Variants in PTP4A3 observed in about 807,000 individuals in gnomAD.
PTP4A3 encodes protein tyrosine phosphatase 4A3.
Under a neutral mutation model 15.2 loss-of-function variants are expected in PTP4A3, and 9 were observed. The ratio of observed to expected loss-of-function variants is 0.59; its 90% confidence interval spans 0.36 to 1.03. The LOEUF is 1.03. PTP4A3 is among the 50% of genes least tolerant of loss of function. The pLI, the probability that PTP4A3 is intolerant of heterozygous loss-of-function variation, is 0.02. For synonymous variants in PTP4A3, 95 were observed against 102.0 expected (o/e 0.93, Z 0.41); for missense variants, 234 against 252.1 (o/e 0.93, Z 0.49).
intron 1 of PTP4A3, among the ~76,000 whole-genome samples, chr8:141,395,014 G>C (rs1832406833): frequency 6.6e-6 from 1 of 152,246 alleles, no homozygotes; most frequent in African/African-American, 2.4e-5. Flanking sequence ...GTGGGACGGG[G>C]ACAGGGACGG....
chr8:141,417,519 G>A (rs1833103212), intron 1 of PTP4A3, among the ~76,000 whole-genome samples: 1 of 152,098 alleles, frequency 6.6e-6, no homozygotes, highest in Non-Finnish European at 1.5e-5. Context: ...GGCGCGCTCT[G>A]TCCAGGCCTC....
intron 1 of PTP4A3, among the ~76,000 whole-genome samples, chr8:141,398,341 T>C (rs1049583188): frequency 6.6e-6 from 1 of 152,210 alleles, no homozygotes; most frequent in South Asian, 2.1e-4. Context: ...AGGCACAGCC[T>C]CCAACTCCCA....
chr8:141,419,870 C>T (rs779637328), intron 1 of PTP4A3, among the ~76,000 whole-genome samples: 171 of 152,306 alleles, frequency 1.1e-3, no homozygotes, highest in Non-Finnish European at 2.1e-3. Flanking sequence ...TGAGCCACTG[C>T]GCCTGACACC....
intron 1 of PTP4A3, among the ~76,000 whole-genome samples, chr8:141,417,151 G>T (rs1472066469): frequency 6.6e-6 from 1 of 152,154 alleles, no homozygotes. Context: ...GAGGGTCTGG[G>T]AGGGCTTCCT....
chr8:141,421,262 G>A (rs558435897), intron 1 of PTP4A3, 126 bp from the exon 2 acceptor site: 2 of 152,466 alleles, frequency 1.3e-5, no homozygotes, highest in Admixed American at 1.3e-4. Context: ...TCTCAGCATG[G>A]TCAGGAGGAG....
chr8:141,405,301 A>C (rs1267529628), intron 1 of PTP4A3, among the ~76,000 whole-genome samples: 1 of 152,150 alleles, frequency 6.6e-6, no homozygotes, highest in Admixed American at 6.5e-5. Flanking sequence ...GGTGCTTGGC[A>C]TGTCCAGTCT....
intron 5 of PTP4A3, among the ~76,000 whole-genome samples, chr8:141,429,707 G>A (rs113045935): frequency 2.8e-5 from 1 of 35,276 alleles, no homozygotes; most frequent in Non-Finnish European, 5.6e-5. Context: ...CAGGGTGAGC[G>A]CACAGTCCGG....
At chr8:141,405,181 C>A (rs1437558989) in intron 1 of PTP4A3, among the ~76,000 whole-genome samples, 1 of 152,182 alleles carries the variant, frequency 6.6e-6, no homozygotes, top group Non-Finnish European at 1.5e-5. Context: ...AGGGCTTTGG[C>A]CCCCTGGTGA....
chr8:141,409,669 T>C (rs1832816806), intron 1 of PTP4A3, among the ~76,000 whole-genome samples: 1 of 152,214 alleles, frequency 6.6e-6, no homozygotes, highest in Admixed American at 6.5e-5. Context: ...AGCCTTCAGA[T>C]GCCTGGGAGA....
intron 1 of PTP4A3, among the ~76,000 whole-genome samples, chr8:141,415,961 G>A (rs1428186489): frequency 6.6e-6 from 1 of 151,950 alleles, no homozygotes; most frequent in Non-Finnish European, 1.5e-5. Context: ...CCCGCTCTGG[G>A]AGGATTCCAG....
chr8:141,418,200 C>T (rs1381366534), intron 1 of PTP4A3, among the ~76,000 whole-genome samples: 2 of 152,204 alleles, frequency 1.3e-5, no homozygotes, highest in African/African-American at 2.4e-5. Context: ...GAGCGCCCGC[C>T]TCAGCCCTGA....
intron 1 of PTP4A3, among the ~76,000 whole-genome samples, chr8:141,401,588 A>C: frequency 1.3e-5 from 2 of 149,552 alleles, no homozygotes; most frequent in African/African-American, 2.5e-5. Flanking sequence ...GGCTGTTCCC[A>C]CGGCTGCCCA....
chr8:141,425,147 C>G lies in PTP4A3; in HGVS notation c.198+7C>G. The G allele has an allele frequency of 6.7e-7, 1 of 1,492,288 alleles. No individual in the cohort carries two copies. Among genetic ancestry groups the G allele is most frequent in the Non-Finnish European group, 9.1e-7 (1 of 1,099,594 alleles). 92.4% of individuals were successfully genotyped at this position (1,492,288 alleles called of 1,614,324 possible). A position where few individuals can be genotyped will look rare whatever the true frequency, so the allele number is the denominator to read the frequency against. On this transcript the variant is annotated splice_region_variant and intron_variant, in intron 3 of 5. Coordinates refer to ENST00000521578, the MANE Select transcript of PTP4A3 (RefSeq NM_032611.3). This position sits in a 1 kb window ranked among gnomAD's most constrained non-coding sequence, Gnocchi z 4.2. The stretch of plus-strand genomic sequence containing the variant: ...GGATGGCATCACCGTTGTGGTGAGG[C>G]GCGCGCCACGGGGACCCTAGTCACT...
intron 1 of PTP4A3, among the ~76,000 whole-genome samples, chr8:141,420,636 C>T (rs568274450): frequency 6.6e-5 from 10 of 152,350 alleles, no homozygotes; most frequent in South Asian, 6.2e-4. Context: ...GGCCCATTGG[C>T]GTGTTCTGTC....
chr8:141,411,759 A>G (rs1052813221), intron 1 of PTP4A3, among the ~76,000 whole-genome samples: 2 of 151,988 alleles, frequency 1.3e-5, no homozygotes, highest in East Asian at 1.9e-4. Context: ...CCCCGACCCC[A>G]CGGGCCCTGG....
At chr8:141,419,937 G>A (rs746510408) in intron 1 of PTP4A3, among the ~76,000 whole-genome samples, 2 of 152,172 alleles carry the variant, frequency 1.3e-5, no homozygotes, top group African/African-American at 4.8e-5. Flanking sequence ...GAGGTGTGGC[G>A]GCTGCTCTGA....
intron 1 of PTP4A3, among the ~76,000 whole-genome samples, chr8:141,415,286 G>A (rs1354084007): frequency 2.6e-5 from 4 of 151,974 alleles, no homozygotes; most frequent in Admixed American, 6.5e-5. Flanking sequence ...GAGACAGGCC[G>A]GAGCCCTGGA....
In PTP4A3 at chr8:141,406,795, C is replaced by T. The variant is rs1832737894; in HGVS notation, c.-853-14593C>T. Among the ~76,000 whole-genome samples the T allele has an allele frequency of 6.6e-6, 1 of 152,172 alleles. No individual in the cohort carries two copies. Among genetic ancestry groups the T allele is most frequent in the Non-Finnish European group, 1.5e-5 (1 of 68,022 alleles). ...CTCTCAAGGGCTGTAGGCACTTCGC[C>T]CTGAATCCTCCTCTGAGCCGGCTTT... On this transcript the variant is annotated intron_variant, in intron 1 of 5. Coordinates refer to ENST00000521578, the MANE Select transcript of PTP4A3 (RefSeq NM_032611.3). The surrounding 1 kb of genome is among the most constrained non-coding windows in gnomAD (Gnocchi z 4.5).
chr8:141,409,951 C>A (rs1012750496), intron 1 of PTP4A3, among the ~76,000 whole-genome samples: 14 of 152,348 alleles, frequency 9.2e-5, no homozygotes, highest in African/African-American at 3.4e-4. Flanking sequence ...GTTGTCATGG[C>A]AGCCAATGCC....
Sources: gnomAD v4.1 joint callset for allele counts (sites outside exome capture counted in the v4.1 genomes callset) on GRCh38, gnomAD v4.1.1 for gene constraint, Gnocchi (gnomAD v3.1) non-coding constraint, MANE v1.5 for transcripts, NCBI Gene and HGNC (gene_info 2026-07-23, HGNC 2026-07-21) for gene names.